The following CLASP2 variants were observed in gnomAD, a reference collection of about 807,000 sequenced individuals.
CLASP2 encodes the protein CLIP-associating protein 2.
In CLASP2, 47 loss-of-function variants were observed where a neutral mutation model predicts 194.4. The observed-to-expected ratio is 0.24, with a 90% CI of 0.19 to 0.31. The LOEUF (loss-of-function observed/expected upper bound fraction) is 0.31, where lower values mean the gene tolerates loss of function less well. Ranked by LOEUF, CLASP2 falls within the 10% of genes least tolerant of loss-of-function variation. The pLI is 1.00. For missense variants in CLASP2, 1,445 were observed against 1,823.6 expected (o/e 0.79, Z 3.78); for synonymous variants, 619 against 633.5 (o/e 0.98, Z 0.34).
intron 1 of CLASP2, among the ~76,000 whole-genome samples, chr3:33,708,786 G>C (rs1224470865): frequency 6.6e-6 from 1 of 151,962 alleles, no homozygotes; most frequent in Non-Finnish European, 1.5e-5. Context: ...CATTTTCCAT[G>C]ATAGCTGTAC....
intron 3 of CLASP2, 107 bp downstream of exon 3, chr3:33,689,722 T>A (rs1470233470): frequency 2.9e-6 from 2 of 690,620 alleles, no homozygotes; most frequent in Non-Finnish European, 4.6e-6. Context: ...CTTAACAGTA[T>A]TAGCAACAAA....
chr3:33,699,455 A>G (rs532430230), intron 1 of CLASP2, among the ~76,000 whole-genome samples: 22 of 152,330 alleles, frequency 1.4e-4, no homozygotes, highest in African/African-American at 5.3e-4. Flanking sequence ...GAAAAATCTT[A>G]AAGTCAATGA....
chr3:33,652,054 A>T (rs2083310443), intron 7 of CLASP2, among the ~76,000 whole-genome samples: 1 of 151,988 alleles, frequency 6.6e-6, no homozygotes, highest in South Asian at 2.1e-4. Flanking sequence ...CAAATAAAAG[A>T]GCAAGCCAAA....
At chr3:33,543,382 G>A in intron 32 of CLASP2, 51 bp downstream of exon 32, 2 of 1,249,304 alleles carry the variant, frequency 1.6e-6, no homozygotes, top group Non-Finnish European at 2.4e-6. Context: ...CAAAAAGAAA[G>A]AATGGGAATT....
At chr3:33,667,345 G>A (rs1050368773) in intron 6 of CLASP2, among the ~76,000 whole-genome samples, 1 of 143,818 alleles carries the variant, frequency 7.0e-6, no homozygotes, top group Non-Finnish European at 1.5e-5. Context: ...GGAGATGGAG[G>A]GTGCAGTGAG....
At chr3:33,615,997 A>T (rs2076090830) in intron 12 of CLASP2, among the ~76,000 whole-genome samples, 1 of 152,048 alleles carries the variant, frequency 6.6e-6, no homozygotes, top group Non-Finnish European at 1.5e-5. Context: ...TTGTCTAAAG[A>T]TATACCACAA....
At position 33,551,387 on chromosome 3, in the gene CLASP2, A is replaced by T; in HGVS notation, c.3018T>A (p.Val1006=). The T allele has an allele frequency of 6.2e-7, 1 of 1,613,280 alleles. No homozygotes were observed. Among genetic ancestry groups the T allele is most frequent in the Non-Finnish European group, 8.5e-7 (1 of 1,179,444 alleles). The change falls in exon 30 of 39, where the codon GTT becomes GTA. Residue 1006 remains valine, a synonymous_variant. Coordinates refer to ENST00000682230, the MANE Select transcript of CLASP2 (RefSeq NM_001365631.1). Reference sequence around the variant, plus strand: ...GAGTTTCTATGTATTTAAGGATAGCAACCTTCACCTGCAGAGGAAAGCACA... The same window carrying T: ...GAGTTTCTATGTATTTAAGGATAGCTACCTTCACCTGCAGAGGAAAGCACA... ...QTQTPSLKVK[V]AILKYIETLA... is the part of the protein sequence containing the mutation.
intron 31 of CLASP2, among the ~76,000 whole-genome samples, chr3:33,543,875 C>A (rs2058749959): frequency 1.3e-5 from 2 of 152,252 alleles, no homozygotes; most frequent in Non-Finnish European, 2.9e-5. Context: ...CAAATTTTAT[C>A]CCTCCTTGAC....
intron 23 of CLASP2, among the ~76,000 whole-genome samples, chr3:33,578,268 CA>C (rs147401328): frequency 2.0e-5 from 3 of 151,990 alleles, no homozygotes; most frequent in South Asian, 2.1e-4. Flanking sequence ...CATTTGAATA[CA>C]AAAAAATACT....
rs1353863032 is a variant in CLASP2 at position 33,497,648 on chromosome 3, A to G, written c.*983T>C. On this transcript the variant is annotated 3_prime_UTR_variant, in exon 39 of 39. Coordinates refer to ENST00000682230, the MANE Select transcript of CLASP2 (RefSeq NM_001365631.1). ...AGTAAGACAATTTCATGGTAAAAGG[A>G]AACCAGGTTCCACCATTTAAAGAAA... 1 of 152,616 alleles carries G rather than the reference A, an allele frequency of 6.6e-6. No homozygotes were observed. The highest frequency in any genetic ancestry group is 1.5e-5 in the Non-Finnish European group (1 of 68,034). The allele number at this position is 152,616 out of a possible 1,614,324, so 9.5% of individuals were successfully genotyped here. A position where few individuals can be genotyped will look rare whatever the true frequency, so the allele number is the denominator to read the frequency against.
At chr3:33,638,992 C>G (rs1229643825) in intron 8 of CLASP2, among the ~76,000 whole-genome samples, 1 of 152,184 alleles carries the variant, frequency 6.6e-6, no homozygotes, top group Non-Finnish European at 1.5e-5. Flanking sequence ...ATAATTAACA[C>G]TAGTTGGCAG....
At chr3:33,529,141 G>T (rs2055460249) in intron 34 of CLASP2, among the ~76,000 whole-genome samples, 2 of 152,094 alleles carry the variant, frequency 1.3e-5, no homozygotes, top group African/African-American at 4.8e-5. Context: ...TCTACAATGA[G>T]AATTACAAAA....
intron 26 of CLASP2, among the ~76,000 whole-genome samples, chr3:33,567,018 G>A (rs1279544892): frequency 6.6e-6 from 1 of 151,934 alleles, no homozygotes; most frequent in Non-Finnish European, 1.5e-5. Flanking sequence ...TTTTTTTCCA[G>A]ACCCTATCAA....
At chr3:33,535,681 G>T (rs543360157) in intron 33 of CLASP2, among the ~76,000 whole-genome samples, 22 of 152,170 alleles carry the variant, frequency 1.4e-4, no homozygotes, top group Middle Eastern at 3.4e-3. Context: ...AGGCAAATAA[G>T]AACTGTAAAA....
rs1020349105 is a variant in CLASP2, at chr3:33,663,466, T to C, written c.694A>G (p.Met232Val). ...TTACCTTTGCAGACACTCAAAATCA[T>C]ACCGCCTGAACTTTGCACTTCATCA... is the stretch of plus-strand genomic sequence containing the variant. ...KFDEVQSSGG[M>V]ILSVCKDKSF... The change falls in exon 7 of 39, where the codon ATG becomes GTG. Residue 232 changes from methionine (M) to valine (V), a missense_variant. Met to Val is a conservative substitution (Grantham distance 21). Coordinates refer to ENST00000682230, the MANE Select transcript of CLASP2 (RefSeq NM_001365631.1). 8 of 1,612,616 alleles carry C rather than the reference T, an allele frequency of 5.0e-6. No individual in the cohort carries two copies. Among genetic ancestry groups the C allele is most frequent in the Non-Finnish European group, 6.8e-6 (8 of 1,179,184 alleles).
At position 33,538,942 on chromosome 3, in the gene CLASP2, A is replaced by G. The variant is rs1291062950; in HGVS notation, c.3405T>C (p.Ser1135=). Reference sequence around the variant, plus strand: ...TATTTTCTGTGTCATAATCAAATGCACTATGAAAAAGACGACACTAATTTT... The same window carrying G: ...TATTTTCTGTGTCATAATCAAATGCGCTATGAAAAAGACGACACTAATTTT... The part of the protein sequence containing the change: ...TNTSQNTLSP[S]AFDYDTENMN... The change falls in exon 33 of 39, where the codon AGT becomes AGC. Residue 1135 remains serine (S), a splice_region_variant and synonymous_variant. Coordinates refer to ENST00000682230, the MANE Select transcript of CLASP2 (RefSeq NM_001365631.1). 2.6e-6 allele frequency: 4 copies of G among 1,555,974 alleles called. No individual in the cohort carries two copies. The highest frequency in any genetic ancestry group is 2.0e-5 in the Admixed American group (1 of 49,048).
intron 29 of CLASP2, among the ~76,000 whole-genome samples, chr3:33,553,730 G>A (rs535864301): frequency 2.0e-5 from 3 of 152,232 alleles, no homozygotes; most frequent in East Asian, 3.9e-4. Flanking sequence ...TGGAGAAAAC[G>A]AAACTCTTCC....
rs980524302 is a variant in CLASP2 at position 33,590,489 on chromosome 3, C to T, written c.2068+1906G>A. Among the ~76,000 whole-genome samples the T allele has an allele frequency of 2.6e-5, 4 of 152,222 alleles. No individual in the cohort carries two copies. The South Asian group carries it at 8.3e-4, about 32-fold the overall frequency. On this transcript the variant is annotated intron_variant, in intron 21 of 38. Transcript: ENST00000682230. ...CTGGTCTGGGCAGCACATATGGAAGCACACGTCTTCTAACTACTATGATAT... is the reference window on the plus strand; with the variant it reads ...CTGGTCTGGGCAGCACATATGGAAGTACACGTCTTCTAACTACTATGATAT...
At chr3:33,500,670 T>C (rs533396416) in intron 38 of CLASP2, among the ~76,000 whole-genome samples, 9 of 152,238 alleles carry the variant, frequency 5.9e-5, no homozygotes, top group African/African-American at 2.2e-4. Flanking sequence ...TTAAGAATTA[T>C]TGTTAAATCT....
Sources: gnomAD v4.1 joint callset for allele counts (sites outside exome capture counted in the v4.1 genomes callset) on GRCh38, gnomAD v4.1.1 for gene constraint, MANE v1.5 for transcripts, NCBI Gene and HGNC (gene_info 2026-07-23, HGNC 2026-07-21) for gene names.